QTMAN: variants seen among roughly 807,000 people sequenced by gnomAD.
QTMAN encodes tRNA-queuosine alpha-mannosyltransferase.
At chr2:144,168,547 T>C in the QTMAN span, among the ~76,000 whole-genome samples, 1 of 152,158 alleles carries the variant, frequency 6.6e-6, no homozygotes, top group Admixed American at 6.6e-5. Flanking sequence ...AGATTGGTCA[T>C]AGGTTGATAA....
chr2:144,036,443 TCTAAA>T, the QTMAN span, among the ~76,000 whole-genome samples: 9 of 152,192 alleles, frequency 5.9e-5, no homozygotes, highest in Middle Eastern at 3.2e-3. Context: ...ATTTTTTGTC[TCTAAA>T]CTAAGCTATC....
At chr2:144,117,847 T>A in the QTMAN span, among the ~76,000 whole-genome samples, 1 of 152,152 alleles carries the variant, frequency 6.6e-6, no homozygotes, top group South Asian at 2.1e-4. Flanking sequence ...TATTCATTTA[T>A]TTATTTATTT....
the QTMAN span, among the ~76,000 whole-genome samples, chr2:144,180,633 T>A: frequency 6.6e-6 from 1 of 152,230 alleles, no homozygotes; most frequent in African/African-American, 2.4e-5. Context: ...ATCAAGTTGA[T>A]GTGTTTCACA....
At chr2:144,142,027 A>C in the QTMAN span, 1 of 1,610,816 alleles carries the variant, frequency 6.2e-7, no homozygotes, top group Non-Finnish European at 8.5e-7. Flanking sequence ...TTAAAAACTG[A>C]GTTGAATACA....
the QTMAN span, among the ~76,000 whole-genome samples, chr2:144,099,246 A>C: frequency 6.6e-6 from 1 of 152,210 alleles, no homozygotes; most frequent in South Asian, 2.1e-4. Context: ...AAAATAAATG[A>C]CTCAGTAGTC....
the QTMAN span, among the ~76,000 whole-genome samples, chr2:144,070,973 A>C: frequency 6.6e-6 from 1 of 152,150 alleles, no homozygotes; most frequent in African/African-American, 2.4e-5. Flanking sequence ...ATATCATCTA[A>C]TTAAGAGGTA....
At chr2:144,150,984 A>G in the QTMAN span, among the ~76,000 whole-genome samples, 3 of 152,130 alleles carry the variant, frequency 2.0e-5, no homozygotes, top group African/African-American at 7.2e-5. Context: ...GAGGAACTGA[A>G]CGAAGACCAA....
the QTMAN span, among the ~76,000 whole-genome samples, chr2:144,004,748 ACAT>A: frequency 2.0e-5 from 3 of 151,844 alleles, no homozygotes; most frequent in Admixed American, 6.6e-5. Context: ...CTGCAAGATA[ACAT>A]CATCATCATC....
chr2:144,311,522 T>A, the QTMAN span, among the ~76,000 whole-genome samples: 6 of 152,332 alleles, frequency 3.9e-5, no homozygotes, highest in South Asian at 1.2e-3. Context: ...AATTATAACA[T>A]GGGCAAGCAA....
chr2:144,253,421 G>A, the QTMAN span, among the ~76,000 whole-genome samples: 1 of 152,188 alleles, frequency 6.6e-6, no homozygotes, highest in Non-Finnish European at 1.5e-5. Flanking sequence ...GGAACAGTTT[G>A]GAGGGCTCAG....
At chr2:143,968,373 C>G in the QTMAN span, among the ~76,000 whole-genome samples, 1 of 151,740 alleles carries the variant, frequency 6.6e-6, no homozygotes, top group Admixed American at 6.6e-5. Context: ...TGGAATCCCC[C>G]CTCCACAGTG....
the QTMAN span, among the ~76,000 whole-genome samples, chr2:144,332,198 G>C: frequency 5.9e-5 from 9 of 152,032 alleles, no homozygotes; most frequent in Non-Finnish European, 1.3e-4. Flanking sequence ...CCCATTCCGA[G>C]CGCGGTGCGG....
At chr2:144,325,643 G>C in the QTMAN span, among the ~76,000 whole-genome samples, 12 of 151,880 alleles carry the variant, frequency 7.9e-5, no homozygotes, top group African/African-American at 2.7e-4. Flanking sequence ...TTTCCTTTTA[G>C]AGTTGTAAAG....
chr2:144,329,983 A>G, the QTMAN span, among the ~76,000 whole-genome samples: 1 of 152,246 alleles, frequency 6.6e-6, no homozygotes, highest in Non-Finnish European at 1.5e-5. Flanking sequence ...AGTATTTACT[A>G]AATGTCTACA....
At chr2:144,131,243 A>C in the QTMAN span, among the ~76,000 whole-genome samples, 1 of 151,786 alleles carries the variant, frequency 6.6e-6, no homozygotes, top group Non-Finnish European at 1.5e-5. Context: ...CACCATCTTT[A>C]TATCAGCAAA....
chr2:144,319,767 C>T, the QTMAN span: 1 of 152,100 alleles, frequency 6.6e-6, no homozygotes, highest in Non-Finnish European at 1.5e-5. Flanking sequence ...TAATAGATGG[C>T]AATCCTTAGG....
the QTMAN span, among the ~76,000 whole-genome samples, chr2:144,223,352 T>C: frequency 2.0e-5 from 3 of 152,186 alleles, no homozygotes; most frequent in East Asian, 1.9e-4. Context: ...ATGAAGACTA[T>C]GCTTATCGAC....
chr2:144,018,919 GA>G, the QTMAN span, among the ~76,000 whole-genome samples: 4 of 152,182 alleles, frequency 2.6e-5, no homozygotes, highest in African/African-American at 9.7e-5. Flanking sequence ...TGACCTCCAT[GA>G]TAACTACAAG....
the QTMAN span, among the ~76,000 whole-genome samples, chr2:143,992,461 A>G: frequency 1.3e-5 from 2 of 149,506 alleles, no homozygotes; most frequent in Non-Finnish European, 3.0e-5. Context: ...TTATCTGCTG[A>G]CCTTCCCTCC....
Sources: allele counts gnomAD v4.1 joint callset (sites outside exome capture counted in the v4.1 genomes callset), GRCh38; gene constraint gnomAD v4.1.1; transcripts MANE v1.5; gene names NCBI Gene and HGNC (gene_info 2026-07-23, HGNC 2026-07-21).